The following ARL13B variants were observed in gnomAD, a reference collection of about 807,000 sequenced individuals.
ARL13B encodes ADP-ribosylation factor-like protein 13B.
In ARL13B, 36 loss-of-function variants were observed where a neutral mutation model predicts 56.1. The ratio of observed to expected loss-of-function variants is 0.64; its 90% CI spans 0.49 to 0.85. ARL13B has a LOEUF of 0.85. ARL13B is among the 40% of genes least tolerant of loss of function. The pLI, the probability that ARL13B is intolerant of heterozygous loss-of-function variation, is 0.00. For missense variants in ARL13B, 519 were observed against 507.1 expected, an observed-to-expected ratio of 1.02 and a Z score of -0.23; for synonymous variants, 178 against 171.1, an observed-to-expected ratio of 1.04 and a Z score of -0.32.
At chr3:93,989,555 ATT>A (rs200041280) in intron 1 of ARL13B, among the ~76,000 whole-genome samples, 29 of 148,398 alleles carry the variant, frequency 2.0e-4, no homozygotes, top group Admixed American at 2.0e-4. Flanking sequence ...GCTATGGTTA[ATT>A]TTTTTTTTTT....
chr3:94,008,087 G>T (rs532593567), intron 3 of ARL13B, among the ~76,000 whole-genome samples: 1 of 152,222 alleles, frequency 6.6e-6, no homozygotes, highest in South Asian at 2.1e-4. Flanking sequence ...ATTCAGCTAT[G>T]TAGAGTGGCA....
At chr3:94,028,716 G>A (rs1212842599) in intron 3 of ARL13B, 2 of 152,170 alleles carry the variant, frequency 1.3e-5, no homozygotes, top group Non-Finnish European at 2.9e-5. Context: ...AACTGCCTAC[G>A]TAGAGTATTT....
chr3:94,037,719 TTAAA>T (rs2076793109), intron 5 of ARL13B, among the ~76,000 whole-genome samples: 1 of 151,784 alleles, frequency 6.6e-6, no homozygotes. Context: ...TTTATAAAAA[TTAAA>T]TATATGGCCA....
chr3:94,037,327 A>G (rs1241977058), intron 5 of ARL13B, among the ~76,000 whole-genome samples: 1 of 152,210 alleles, frequency 6.6e-6, no homozygotes. Flanking sequence ...GTTGCCTTCC[A>G]TCTGGCCTTT....
At chr3:93,981,865 CAAAAAAAAA>C (rs11396818) in intron 1 of ARL13B, among the ~76,000 whole-genome samples, 10 of 68,396 alleles carry the variant, frequency 1.5e-4, no homozygotes, top group Non-Finnish European at 2.8e-4. Flanking sequence ...AACCCTGTCT[CAAAAAAAAA>C]AAAAAAAAAA....
At chr3:94,019,122 G>A (rs2076395253) in intron 3 of ARL13B, among the ~76,000 whole-genome samples, 1 of 151,752 alleles carries the variant, frequency 6.6e-6, no homozygotes, top group South Asian at 2.1e-4. Flanking sequence ...AGCAAATCTT[G>A]TCAACATCTC....
chr3:94,053,180 T>G lies in ARL13B; in HGVS notation c.1211-7T>G. ...TTTTGTGCATTTGGTTTTCTTTCTT[T>G]TCTTAGATTTCTATAGGAAGCCACT... On this transcript the variant is annotated splice_polypyrimidine_tract_variant and splice_region_variant and intron_variant, in intron 9 of 9. Transcript: ENST00000394222. 1.2e-6 allele frequency: 2 copies of G among 1,609,862 alleles called. No individual in the cohort carries two copies. Among genetic ancestry groups the G allele is most frequent in the Non-Finnish European group, 1.7e-6 (2 of 1,179,112 alleles).
At chr3:94,023,508 C>A (rs566195320) in intron 3 of ARL13B, among the ~76,000 whole-genome samples, 1 of 151,602 alleles carries the variant, frequency 6.6e-6, no homozygotes, top group Non-Finnish European at 1.5e-5. Flanking sequence ...TAAATAATTT[C>A]TTTAAGAACT....
intron 4 of ARL13B, among the ~76,000 whole-genome samples, chr3:94,035,870 G>A (rs2076758502): frequency 6.6e-6 from 1 of 152,112 alleles, no homozygotes; most frequent in Admixed American, 6.6e-5. Flanking sequence ...CCAGGAGTTT[G>A]AGACCAACCT....
chr3:94,052,854 GAAGT>G (rs1224122022), intron 9 of ARL13B, among the ~76,000 whole-genome samples: 5 of 152,142 alleles, frequency 3.3e-5, no homozygotes, highest in African/African-American at 7.2e-5. Flanking sequence ...GTCAAAGTAA[GAAGT>G]AAGGAATGGA....
rs1223737641 is a variant in ARL13B, at chr3:94,036,590, T to G, written c.525T>G (p.Ile175Met). Residue 175 changes from isoleucine to methionine, a missense_variant, in exon 5 of 10, where the codon ATT (isoleucine) becomes ATG (methionine). Transcript: ENST00000394222. ...CSAISGYGKKIDKSIKKGLYW... is the reference protein window; with the variant it reads ...CSAISGYGKKMDKSIKKGLYW... ...CAATCTCGGGGTATGGAAAGAAAATTGACAAGTCCATTAAAAAAGGCCTTT... is the reference window on the plus strand; with the variant it reads ...CAATCTCGGGGTATGGAAAGAAAATGGACAAGTCCATTAAAAAAGGCCTTT... 1 of 1,614,082 alleles carries G rather than the reference T, an allele frequency of 6.2e-7. No homozygotes were observed. Among genetic ancestry groups the G allele is most frequent in the Non-Finnish European group, 8.5e-7 (1 of 1,180,000 alleles).
chr3:94,050,310 A>T (rs1156480370), intron 8 of ARL13B, among the ~76,000 whole-genome samples: 3 of 152,312 alleles, frequency 2.0e-5, no homozygotes, highest in East Asian at 3.9e-4. Context: ...TAATGCATAT[A>T]AAACACTGGG....
chr3:94,043,417 T>C (rs1055064838), intron 7 of ARL13B, among the ~76,000 whole-genome samples, 177 bp downstream of exon 7: 17 of 151,462 alleles, frequency 1.1e-4, no homozygotes, highest in African/African-American at 4.1e-4. Flanking sequence ...GTTCCTAACC[T>C]GTTTTTCCAT....
In ARL13B at chr3:94,055,582, G is replaced by A; in HGVS notation, c.*2319G>A. The A allele has an allele frequency of 2.2e-6, 1 of 453,876 alleles. No individual in the cohort carries two copies. The highest frequency in any genetic ancestry group is 4.4e-6 in the Non-Finnish European group (1 of 226,666). 28.1% of individuals were successfully genotyped at this position (453,876 alleles called of 1,614,324 possible). ...ATATGTTTTTATGTATTTAAAAGAG[G>A]CTCTTGTGTGCCTTTATGTGTAAAA... On this transcript the variant is annotated 3_prime_UTR_variant, in exon 10 of 10. Transcript: ENST00000394222.
intron 2 of ARL13B, among the ~76,000 whole-genome samples, chr3:94,002,767 G>A (rs1297241426): frequency 6.6e-6 from 1 of 152,146 alleles, no homozygotes; most frequent in African/African-American, 2.4e-5. Flanking sequence ...TGGTCTGCCA[G>A]ATATTTTCAA....
intron 3 of ARL13B, among the ~76,000 whole-genome samples, chr3:94,004,632 A>T (rs770217942): frequency 6.4e-5 from 9 of 141,072 alleles, no homozygotes; most frequent in Non-Finnish European, 1.2e-4. Context: ...ATTAAGGATT[A>T]AAAAAAAAAA....
At chr3:94,044,996 CGAAAA>C (rs1418697666) in intron 7 of ARL13B, among the ~76,000 whole-genome samples, 5 of 151,862 alleles carry the variant, frequency 3.3e-5, no homozygotes, top group Non-Finnish European at 7.4e-5. Context: ...GCGGTTTTGT[CGAAAA>C]GAAAAGGGGG....
chr3:94,049,187 C>T (rs931501907), intron 7 of ARL13B, among the ~76,000 whole-genome samples: 12 of 152,108 alleles, frequency 7.9e-5, no homozygotes, highest in Non-Finnish European at 1.3e-4. Context: ...CTCTTTTTAT[C>T]ATATTCATTG....
At chr3:94,029,329 TATATATTTA>T (rs1559997661) in intron 3 of ARL13B, among the ~76,000 whole-genome samples, 12 of 100,564 alleles carry the variant, frequency 1.2e-4, no homozygotes, top group African/African-American at 6.0e-4. Flanking sequence ...TATATATATA[TATATATTTA>T]TTTTTTTTTT....
Sources: allele counts gnomAD v4.1 joint callset (sites outside exome capture counted in the v4.1 genomes callset), GRCh38; gene constraint gnomAD v4.1.1; transcripts MANE v1.5; gene names NCBI Gene and HGNC (gene_info 2026-07-23, HGNC 2026-07-21).